Variants in FHIP1B observed in about 807,000 individuals in gnomAD.
FHIP1B encodes FHF complex subunit HOOK interacting protein 1B.
In FHIP1B, 28 loss-of-function variants were observed where a neutral mutation model predicts 82.2. The ratio of observed to expected loss-of-function variants is 0.34; its 90% CI spans 0.25 to 0.47. The LOEUF is 0.47. Among genes scored for constraint, FHIP1B ranks in the 20% least tolerant of loss-of-function variants. FHIP1B has a pLI of 1.00. For synonymous variants in FHIP1B, 585 were observed against 516.1 expected, an observed-to-expected ratio of 1.13 and a Z score of -1.81; for missense variants, 1,110 against 1,262.6, an observed-to-expected ratio of 0.88 and a Z score of 1.83.
At chr11:6,218,935 G>A (rs1469984198) in intron 7 of FHIP1B, 36 bp downstream of exon 7, 19 of 1,608,532 alleles carry the variant, frequency 1.2e-5, no homozygotes, top group Non-Finnish European at 1.4e-5. Context: ...TGAGGCTTCA[G>A]GGTCAGCCAT....
In FHIP1B at chr11:6,211,503, A is replaced by G; in HGVS notation, c.*3T>C. On this transcript the variant is annotated 3_prime_UTR_variant, in exon 12 of 12. Transcript: ENST00000449352. Reference sequence around the variant, plus strand: ...CATGGCCCTGATTGTCCATGGAAGAAAGTTAAGGATTGAGGGGCCCACAGC... The same window carrying G: ...CATGGCCCTGATTGTCCATGGAAGAGAGTTAAGGATTGAGGGGCCCACAGC... 6.3e-7 allele frequency: 1 copy of G among 1,575,444 alleles called. No individual in the cohort carries two copies. The highest frequency in any genetic ancestry group is 1.2e-5 in the South Asian group (1 of 84,238).
At position 6,211,370 on chromosome 11, in the gene FHIP1B, G is replaced by A. The variant is rs1265436589; in HGVS notation, c.*136C>T. The stretch of plus-strand genomic sequence containing the variant: ...TAGAGATTTCCCTTTTATACATATT[G>A]CAACAAGTTCTCCATAAAACATTCA... On this transcript the variant is annotated 3_prime_UTR_variant, in exon 12 of 12. Transcript: ENST00000449352. 30 of 1,222,444 alleles carry A rather than the reference G, an allele frequency of 2.5e-5. No homozygotes were observed. The highest frequency in any genetic ancestry group is 3.1e-5 in the Non-Finnish European group (28 of 892,752). 75.7% of individuals were successfully genotyped at this position (1,222,444 alleles called of 1,614,324 possible). A position where few individuals can be genotyped will look rare whatever the true frequency, so the allele number is the denominator to read the frequency against.
chr11:6,224,109 G>A lies in FHIP1B; in HGVS notation c.278C>T (p.Pro93Leu). The A allele has an allele frequency of 6.2e-7, 1 of 1,614,082 alleles. No individual in the cohort carries two copies. The highest frequency in any genetic ancestry group is 8.5e-7 in the Non-Finnish European group (1 of 1,179,994). Residue 93 changes from proline to leucine, a missense_variant, in exon 3 of 12, where the codon CCT becomes CTT. By Grantham distance (98) the Pro-to-Leu change is moderately conservative (BLOSUM62 -3). This residue lies in a region of FHIP1B where 467 missense variants were observed against 602.9 expected (regional missense o/e 0.77). Transcript: ENST00000449352. ...DRAVPSAPTG[P>L]GPLLEFALHE... ...CAGAGCAAACTCCAGCAGGGGCCCA[G>A]GGCCTGTGGGGGCCGAGGGAACTGC...
At chr11:6,232,632 A>G (rs1389098542) in intron 1 of FHIP1B, among the ~76,000 whole-genome samples, 2 of 152,220 alleles carry the variant, frequency 1.3e-5, no homozygotes, top group African/African-American at 4.8e-5. Flanking sequence ...TCTACAAGGT[A>G]TCTATATAAA....
At chr11:6,233,854 T>C (rs1847767140) in intron 1 of FHIP1B, among the ~76,000 whole-genome samples, 1 of 152,182 alleles carries the variant, frequency 6.6e-6, no homozygotes, top group Non-Finnish European at 1.5e-5. Context: ...TCTTCAACTA[T>C]GCAGTCCAGA....
At position 6,223,221 on chromosome 11, in the gene FHIP1B, G is replaced by A. The variant is rs773466546; in HGVS notation, c.795C>T (p.Leu265=). ...GAGGCAGTGATGAGTACAGGGCACT[G>A]AGCCCTGTGGCCAGCACCTATGAGA... ...SYFCPVLATG[L]SALYSSLPRK... is the part of the protein sequence containing the mutation. Residue 265 remains leucine (L), a synonymous_variant, in exon 4 of 12, where the codon CTC becomes CTT. Transcript: ENST00000449352. This position sits in a 1 kb window ranked among gnomAD's most constrained non-coding sequence, Gnocchi z 4.8. 2 of 1,589,260 alleles carry A rather than the reference G, an allele frequency of 1.3e-6. No individual in the cohort carries two copies. The highest frequency in any genetic ancestry group is 1.7e-6 in the Non-Finnish European group (2 of 1,174,252).
In FHIP1B at chr11:6,211,735, G is replaced by A; in HGVS notation, c.2690C>T (p.Ser897Phe). The A allele has an allele frequency of 6.2e-7, 1 of 1,614,234 alleles. No homozygotes were observed. The highest frequency in any genetic ancestry group is 8.5e-7 in the Non-Finnish European group (1 of 1,180,034). ...TAGAACTGGAGTTGAAGCCCCAGGG[G>A]AGCCCCCACTTAGGCCAAGTCCTGC... ...DGAGLGLSGG[S>F]PGASTPVLLT... Residue 897 changes from serine to phenylalanine, a missense_variant, in exon 12 of 12, where the codon TCC becomes TTC. Ser to Phe is a radical substitution (Grantham distance 155). Transcript: ENST00000449352.
At chr11:6,220,296 AATTAAT>A (rs1847371070) in intron 6 of FHIP1B, among the ~76,000 whole-genome samples, 1 of 152,182 alleles carries the variant, frequency 6.6e-6, no homozygotes, top group Non-Finnish European at 1.5e-5. Flanking sequence ...ACTGCTAGAA[AATTAAT>A]TCTGCCAATA....
intron 11 of FHIP1B, 134 bp from the exon 12 acceptor site, chr11:6,212,001 A>C: frequency 7.1e-7 from 1 of 1,411,552 alleles, no homozygotes; most frequent in Non-Finnish European, 9.2e-7. Flanking sequence ...AAAAGGACAA[A>C]ATGGACCAGA....
chr11:6,234,072 G>A (rs440634), intron 1 of FHIP1B, among the ~76,000 whole-genome samples: 6,774 of 152,084 alleles, frequency 0.045, 479 homozygotes, highest in African/African-American at 0.15. Flanking sequence ...TGCTCTCACT[G>A]GACAGGGCAG....
At chr11:6,212,321 C>T (rs1420130386) in intron 11 of FHIP1B, among the ~76,000 whole-genome samples, 1 of 152,180 alleles carries the variant, frequency 6.6e-6, no homozygotes, top group East Asian at 1.9e-4. Flanking sequence ...TTTCATGCTT[C>T]CCATCACCCT....
intron 1 of FHIP1B, among the ~76,000 whole-genome samples, chr11:6,228,166 G>A (rs1564870163): frequency 1.3e-5 from 2 of 152,224 alleles, no homozygotes; most frequent in South Asian, 2.1e-4. Flanking sequence ...TGACCAACAC[G>A]GTGAAACCCC....
Position 6,222,642 on chromosome 11 carries a change from A to G in FHIP1B, c.1024-33T>C, listed in dbSNP as rs1005636174. On this transcript the variant is annotated intron_variant, in intron 5 of 11. Transcript: ENST00000449352. Reference sequence around the variant, plus strand: ...AAAAGAAGGGAAAGTCTGGAAATGCACAGCTTCCCTGCACATACAGGGCCA... The same window carrying G: ...AAAAGAAGGGAAAGTCTGGAAATGCGCAGCTTCCCTGCACATACAGGGCCA... 9 of 1,610,360 alleles carry G rather than the reference A, an allele frequency of 5.6e-6. No homozygotes were observed. In the African/African-American group the frequency reaches 1.1e-4, roughly 19 times the overall value.
In FHIP1B at chr11:6,217,405, C is replaced by T. The variant is rs1847262561; in HGVS notation, c.2181G>A (p.Arg727=). The change falls in exon 9 of 12, where the codon CGG becomes CGA. Residue 727 remains arginine (R), a synonymous_variant. Transcript: ENST00000449352. The part of the protein sequence containing the change: ...PPGPFLSSPL[R]TLNQLPSQPF... ...GCTGGCTTGGCAGCTGGTTGAGAGT[C>T]CGCAAAGGGCTGCTGAGGAAGGGGC... 6.2e-7 allele frequency: 1 copy of T among 1,614,112 alleles called. No homozygotes were observed. The highest frequency in any genetic ancestry group is 1.3e-5 in the African/African-American group (1 of 75,050).
In FHIP1B at chr11:6,217,827, G is replaced by T; in HGVS notation, c.1759C>A (p.Pro587Thr). Reference protein sequence around the residue: ...DGERPSPEPSPFGSRTKKRSL... With the variant: ...DGERPSPEPSTFGSRTKKRSL... ...CGTTTCTTAGTCCGGGAGCCAAAAG[G>T]ACTGGGCTCAGGAGAGGGCCGCTCG... Residue 587 changes from proline (P) to threonine (T), a missense_variant, in exon 9 of 12, where the codon CCT (proline) becomes ACT (threonine). Transcript: ENST00000449352. 1 of 1,613,776 alleles carries T rather than the reference G, an allele frequency of 6.2e-7. No homozygotes were observed.
Position 6,223,933 on chromosome 11 carries a change from G to A in FHIP1B, c.454C>T (p.Arg152Cys), listed in dbSNP as rs201084258. The A allele has an allele frequency of 2.8e-5, 45 of 1,614,090 alleles. No homozygotes were observed. The highest frequency in any genetic ancestry group is 3.6e-5 in the Non-Finnish European group (42 of 1,180,040). Residue 152 changes from arginine to cysteine, a missense_variant, in exon 3 of 12, where the codon CGT (arginine) becomes TGT (cysteine). Physicochemically the swap from Arg to Cys is radical, Grantham distance 180 (BLOSUM62 -3). Transcript: ENST00000449352. This position sits in a 1 kb window ranked among gnomAD's most constrained non-coding sequence, Gnocchi z 4.8. Reference protein sequence around the residue: ...RQPLLRHGPVREALLTLLDAC... With the variant: ...RQPLLRHGPVCEALLTLLDAC... ...TCCAGCAGGGTGAGCAGAGCCTCAC[G>A]AACTGGACCATGCCGCAACAGTGGC...
intron 1 of FHIP1B, among the ~76,000 whole-genome samples, chr11:6,229,671 A>C (rs1847648006): frequency 6.6e-6 from 1 of 152,146 alleles, no homozygotes; most frequent in African/African-American, 2.4e-5. Context: ...CCACTTGACC[A>C]ACAAAGGGTA....
intron 11 of FHIP1B, among the ~76,000 whole-genome samples, chr11:6,213,071 G>A (rs1441345858): frequency 3.9e-5 from 6 of 152,166 alleles, no homozygotes; most frequent in Non-Finnish European, 7.3e-5. Flanking sequence ...GGCCTAGACT[G>A]TGTCTTGTCT....
Position 6,217,714 on chromosome 11 carries a change from C to T in FHIP1B, c.1872G>A (p.Gly624=), listed in dbSNP as rs1564860618. 1.9e-6 allele frequency: 3 copies of T among 1,610,670 alleles called. No individual in the cohort carries two copies. The highest frequency in any genetic ancestry group is 1.7e-6 in the Non-Finnish European group (2 of 1,178,292). ...LGRRGRAGGA[G]EGPGHLPPPQ... is the part of the protein sequence containing the mutation. ...GAGGGGGCAGGTGACCAGGGCCCTC[C>T]CCTGCACCCCCAGCCCGCCCCCTCC... Residue 624 remains glycine (G), a synonymous_variant, in exon 9 of 12, where the codon GGG becomes GGA. Coordinates refer to ENST00000449352, the MANE Select transcript of FHIP1B (RefSeq NM_001098794.2).
Sources: allele counts gnomAD v4.1 joint callset (sites outside exome capture counted in the v4.1 genomes callset), GRCh38; gene constraint gnomAD v4.1.1; regional missense constraint gnomAD v4.1.1; non-coding constraint Gnocchi (gnomAD v3.1); transcripts MANE v1.5; gene names NCBI Gene and HGNC (gene_info 2026-07-23, HGNC 2026-07-21).